Variants in HELZ observed in about 807,000 individuals in gnomAD.
HELZ encodes helicase with zinc finger, also known as ATP-dependent RNA helicase with zinc finger domain.
In HELZ, 23 loss-of-function variants were observed where a neutral mutation model predicts 218.2. The observed-to-expected ratio is 0.11, with a 90% CI of 0.08 to 0.15. The LOEUF is 0.15. Among genes scored for constraint, HELZ ranks in the 10% least tolerant of loss-of-function variants. HELZ has a pLI of 1.00. For synonymous variants in HELZ, 814 were observed against 829.4 expected (o/e 0.98, Z 0.32); for missense variants, 1,813 against 2,353.7 (o/e 0.77, Z 4.75).
chr17:67,242,769 GT>G (rs1389276316), intron 2 of HELZ, among the ~76,000 whole-genome samples: 1 of 149,606 alleles, frequency 6.7e-6, no homozygotes, highest in Non-Finnish European at 1.5e-5. Context: ...AAGAATCTTG[GT>G]TTATGTCCAC....
intron 6 of HELZ, among the ~76,000 whole-genome samples, chr17:67,202,901 A>AT (rs1274998198): frequency 3.3e-5 from 5 of 152,136 alleles, no homozygotes; most frequent in Admixed American, 1.3e-4. Flanking sequence ...AGGAGGGAGG[A>AT]TTTTTTGAGC....
intron 11 of HELZ, among the ~76,000 whole-genome samples, chr17:67,189,228 T>G (rs1473685207): frequency 6.6e-6 from 1 of 152,184 alleles, no homozygotes; most frequent in Non-Finnish European, 1.5e-5. Flanking sequence ...TAAAAACAAG[T>G]TGTTATGGTT....
intron 14 of HELZ, 118 bp from the exon 15 acceptor site, chr17:67,166,726 A>C: frequency 3.8e-6 from 3 of 779,380 alleles, no homozygotes; most frequent in Non-Finnish European, 6.2e-6. Flanking sequence ...ATTCTTTTAA[A>C]GTATAATCAT....
At chr17:67,137,716 A>C (rs2038196910) in intron 22 of HELZ, among the ~76,000 whole-genome samples, 1 of 152,202 alleles carries the variant, frequency 6.6e-6, no homozygotes, top group Non-Finnish European at 1.5e-5. Context: ...GGTCACAGAA[A>C]AGGTATATTT....
intron 3 of HELZ, among the ~76,000 whole-genome samples, chr17:67,223,727 G>A (rs1490566725): frequency 6.6e-6 from 1 of 152,148 alleles, no homozygotes; most frequent in Non-Finnish European, 1.5e-5. Flanking sequence ...ACTCCAGCCT[G>A]GGCGACAGAG....
intron 24 of HELZ, among the ~76,000 whole-genome samples, chr17:67,125,302 A>ATATATC (rs2037752675): frequency 4.8e-5 from 1 of 20,752 alleles, no homozygotes; most frequent in Non-Finnish European, 9.8e-5. Flanking sequence ...ATATATATAT[A>ATATATC]TATATATATA....
intron 21 of HELZ, among the ~76,000 whole-genome samples, chr17:67,140,305 A>C (rs114656736): frequency 6.6e-6 from 1 of 152,196 alleles, no homozygotes; most frequent in Non-Finnish European, 1.5e-5. Flanking sequence ...CAACTGCTCC[A>C]TAAGTTCTGC....
At chr17:67,245,927 A>T (rs2041470994), upstream of HELZ, 2 of 151,606 alleles carry the variant, frequency 1.3e-5, no homozygotes, top group Admixed American at 1.3e-4. Context: ...CCGCGGAGCC[A>T]CCCTGGGAGC....
rs988921226 is a variant in HELZ, at chr17:67,072,506, T to C, written c.*5746A>G. ...CTTCTTTCCAGGATTCTCACTTCCA[T>C]GCATGTGGATCAAGATTGACCCTAA... On this transcript the variant is annotated 3_prime_UTR_variant, in exon 33 of 33. Coordinates refer to ENST00000358691, the MANE Select transcript of HELZ (RefSeq NM_014877.4). 2.0e-5 allele frequency: 3 copies of C among 152,744 alleles called. No individual in the cohort carries two copies. Among genetic ancestry groups the C allele is most frequent in the Non-Finnish European group, 2.9e-5 (2 of 68,136 alleles). The allele number at this position is 152,744 out of a possible 1,614,324, so 9.5% of individuals were successfully genotyped here. A position where few individuals can be genotyped will look rare whatever the true frequency, so the allele number is the denominator to read the frequency against.
intron 17 of HELZ, among the ~76,000 whole-genome samples, chr17:67,153,771 G>C (rs2038759944): frequency 6.6e-6 from 1 of 152,186 alleles, no homozygotes; most frequent in African/African-American, 2.4e-5. Context: ...CAAAAAGGTA[G>C]CATCATGATA....
chr17:67,099,985 A>G (rs981382039), intron 31 of HELZ, among the ~76,000 whole-genome samples: 11 of 152,190 alleles, frequency 7.2e-5, no homozygotes, highest in African/African-American at 2.7e-4. Flanking sequence ...GGTTTATTAG[A>G]TATCATACAT....
intron 3 of HELZ, chr17:67,225,668 T>TATA (rs1451221926): frequency 6.6e-6 from 1 of 151,764 alleles, no homozygotes; most frequent in Non-Finnish European, 1.5e-5. Context: ...GACAAAGGAG[T>TATA]GTATTAATTA....
intron 31 of HELZ, among the ~76,000 whole-genome samples, chr17:67,092,855 C>T (rs2036613114): frequency 6.7e-6 from 1 of 149,056 alleles, no homozygotes; most frequent in Admixed American, 6.8e-5. Context: ...ATCCCAGCTA[C>T]TTGAGAGGCT....
At chr17:67,143,877 CT>C (rs2038412296) in intron 21 of HELZ, among the ~76,000 whole-genome samples, 1 of 152,194 alleles carries the variant, frequency 6.6e-6, no homozygotes, top group Admixed American at 6.5e-5. Context: ...AGCACATATG[CT>C]ATGAGTATTC....
At chr17:67,117,001 C>T (rs912316668) in intron 27 of HELZ, among the ~76,000 whole-genome samples, 22 of 152,050 alleles carry the variant, frequency 1.4e-4, no homozygotes, top group African/African-American at 3.9e-4. Flanking sequence ...GGATTACAGG[C>T]GTGCACCACC....
At chr17:67,131,945 A>C (rs1273434212) in intron 23 of HELZ, among the ~76,000 whole-genome samples, 3 of 152,188 alleles carry the variant, frequency 2.0e-5, no homozygotes, top group African/African-American at 7.2e-5. Flanking sequence ...CAATAGAATG[A>C]GGACAAGAAT....
chr17:67,210,783 G>A (rs1275811373), intron 5 of HELZ, among the ~76,000 whole-genome samples: 1 of 151,928 alleles, frequency 6.6e-6, no homozygotes, highest in African/African-American at 2.4e-5. Context: ...TTAGCTGGGC[G>A]TGGTGGCGCA....
intron 24 of HELZ, among the ~76,000 whole-genome samples, chr17:67,125,470 A>AGC (rs1259161896): frequency 2.0e-5 from 3 of 151,378 alleles, no homozygotes; most frequent in Admixed American, 2.0e-4. Flanking sequence ...ATCAGCCAGT[A>AGC]GCACACACAC....
intron 3 of HELZ, chr17:67,224,757 T>A: frequency 8.6e-7 from 1 of 1,159,910 alleles, no homozygotes; most frequent in Non-Finnish European, 1.3e-6. Flanking sequence ...CCCGCCGGAC[T>A]TTCTGTAAGA....
Sources: gnomAD v4.1 joint callset for allele counts (sites outside exome capture counted in the v4.1 genomes callset) on GRCh38, gnomAD v4.1.1 for gene constraint, MANE v1.5 for transcripts, NCBI Gene and HGNC (gene_info 2026-07-23, HGNC 2026-07-21) for gene names.